COG5: variants seen among roughly 807,000 people sequenced by gnomAD.
The protein encoded by COG5 is component of oligomeric golgi complex 5.
In COG5, 86 loss-of-function variants were observed where a neutral mutation model predicts 110.4. The observed-to-expected ratio is 0.78, with a 90% CI of 0.65 to 0.93. The LOEUF is 0.93. COG5 is among the 40% of genes least tolerant of loss of function. The pLI is 0.00. For missense variants in COG5, 1,077 were observed against 987.0 expected (o/e 1.09, Z -1.22); for synonymous variants, 360 against 334.6 (o/e 1.08, Z -0.83).
chr7:107,413,959 T>A (rs1792506057), intron 6 of COG5, among the ~76,000 whole-genome samples: 1 of 152,178 alleles, frequency 6.6e-6, no homozygotes, highest in African/African-American at 2.4e-5. Context: ...TAAAACAGAA[T>A]TAAAATCCTG....
chr7:107,325,488 T>C (rs1047057123), intron 10 of COG5, among the ~76,000 whole-genome samples: 1 of 152,036 alleles, frequency 6.6e-6, no homozygotes, highest in African/African-American at 2.4e-5. Context: ...CTGTCTCTAC[T>C]AAAAATACAA....
chr7:107,398,378 G>A (rs1019006347), intron 7 of COG5, among the ~76,000 whole-genome samples: 1 of 152,212 alleles, frequency 6.6e-6, no homozygotes, highest in Non-Finnish European at 1.5e-5. Flanking sequence ...CACACAGCAG[G>A]AGGTGAGCGG....
intron 6 of COG5, among the ~76,000 whole-genome samples, chr7:107,506,211 T>C (rs1798984651): frequency 1.3e-5 from 2 of 152,200 alleles, no homozygotes; most frequent in African/African-American, 2.4e-5. Flanking sequence ...ACTGTGTTAG[T>C]TGGCCTCCAG....
intron 12 of COG5, among the ~76,000 whole-genome samples, chr7:107,288,585 T>A (rs1182933629): frequency 6.6e-6 from 1 of 152,124 alleles, no homozygotes; most frequent in Non-Finnish European, 1.5e-5. Flanking sequence ...CATGTGCTTA[T>A]TGGTCATCTA....
At chr7:107,407,720 A>C (rs1380780738) in intron 7 of COG5, among the ~76,000 whole-genome samples, 1 of 152,050 alleles carries the variant, frequency 6.6e-6, no homozygotes, top group Non-Finnish European at 1.5e-5. Context: ...AAGGAGGACA[A>C]AGTTGGGTAA....
chr7:107,435,379 G>A lies in COG5; in HGVS notation c.539-22747C>T, dbSNP rs147912880. On this transcript the variant is annotated intron_variant, in intron 6 of 21. Coordinates refer to ENST00000297135, the MANE Select transcript of COG5 (RefSeq NM_006348.5). ...TAGAAAAACTGAAATCTGGCCAGGC[G>A]CGGTGGCTCACACCTGTAATCCCAG... Among the ~76,000 whole-genome samples the A allele has an allele frequency of 1.1e-3, 165 of 152,206 alleles. 4 individuals carry two copies. The East Asian group carries it at 0.02, about 19-fold the overall frequency.
intron 10 of COG5, among the ~76,000 whole-genome samples, chr7:107,348,125 C>CA (rs34140927): frequency 0.27 from 13,669 of 50,170 alleles, 2,481 homozygotes; most frequent in Non-Finnish European, 0.32. Context: ...GACTCCATCT[C>CA]AAAAAAAAAA....
intron 7 of COG5, among the ~76,000 whole-genome samples, chr7:107,403,777 C>T (rs537338521): frequency 6.6e-6 from 1 of 152,000 alleles, no homozygotes; most frequent in South Asian, 2.1e-4. Context: ...GGCCGACCTC[C>T]AAATAACATA....
intron 9 of COG5, 29 bp downstream of exon 9, chr7:107,362,276 TTAA>T (rs1399163707): frequency 8.5e-6 from 13 of 1,532,010 alleles, no homozygotes; most frequent in Non-Finnish European, 1.2e-5. Flanking sequence ...TTAATCCATA[TTAA>T]TGTTTTTTCC....
intron 6 of COG5, among the ~76,000 whole-genome samples, chr7:107,506,257 A>AGT (rs1563071821): frequency 6.6e-6 from 1 of 152,198 alleles, no homozygotes; most frequent in African/African-American, 2.4e-5. Flanking sequence ...CACCAGCTGC[A>AGT]GTAGTTAACA....
intron 11 of COG5, among the ~76,000 whole-genome samples, chr7:107,320,129 C>T (rs952154338): frequency 1.3e-5 from 2 of 152,004 alleles, no homozygotes; most frequent in Non-Finnish European, 2.9e-5. Flanking sequence ...GGTGGCAAGA[C>T]GGCATAGACA....
At chr7:107,283,409 GTACT>G (rs1250133904) in intron 13 of COG5, among the ~76,000 whole-genome samples, 158 bp downstream of exon 13, 1 of 152,086 alleles carries the variant, frequency 6.6e-6, no homozygotes, top group South Asian at 2.1e-4. Context: ...GGAATCTCAA[GTACT>G]TACTATGTGT....
chr7:107,313,067 C>T (rs1045105571), intron 11 of COG5, among the ~76,000 whole-genome samples: 66 of 152,242 alleles, frequency 4.3e-4, no homozygotes, highest in Admixed American at 1.3e-4. Context: ...GGGGAAAGGA[C>T]GTGCCACAAA....
At chr7:107,301,562 C>G (rs934509453) in intron 11 of COG5, among the ~76,000 whole-genome samples, 1 of 152,058 alleles carries the variant, frequency 6.6e-6, no homozygotes, top group Non-Finnish European at 1.5e-5. Flanking sequence ...GTTCAAATGA[C>G]TAAAATTAAA....
chr7:107,235,137 G>C (rs1277865507), intron 18 of COG5, among the ~76,000 whole-genome samples: 6 of 152,168 alleles, frequency 3.9e-5, no homozygotes. Flanking sequence ...ACAGGCTCTT[G>C]AAAGTTTAGG....
At chr7:107,464,964 C>T (rs1297223708) in intron 6 of COG5, among the ~76,000 whole-genome samples, 1 of 152,170 alleles carries the variant, frequency 6.6e-6, no homozygotes, top group Non-Finnish European at 1.5e-5. Context: ...CTCAAGGTTG[C>T]TAGCTACAAC....
At position 107,474,036 on chromosome 7, in the gene COG5, G is replaced by GA. The variant is rs755887490; in HGVS notation, c.538+53200dup. The GA allele has an allele frequency of 1.6e-5, 21 of 1,324,026 alleles. No homozygotes were observed. The highest frequency in any genetic ancestry group is 2.3e-5 in the East Asian group (1 of 42,986). 82.0% of individuals were successfully genotyped at this position (1,324,026 alleles called of 1,614,324 possible). On this transcript the variant is annotated intron_variant, in intron 6 of 21. Transcript: ENST00000297135. The surrounding 1 kb of genome is among the most constrained non-coding windows in gnomAD (Gnocchi z 5.7). The stretch of plus-strand genomic sequence containing the variant: ...AGTTTATTCTATTTCACTTTCTAGG[G>GA]AAAAAAACCAACTGCTCCAAAAGAA...
At chr7:107,241,773 AAT>A (rs1256211767) in intron 17 of COG5, among the ~76,000 whole-genome samples, 1 of 151,756 alleles carries the variant, frequency 6.6e-6, no homozygotes, top group Non-Finnish European at 1.5e-5. Flanking sequence ...TATTTTTTAA[AAT>A]AGAGACTGAT....
At chr7:107,260,321 T>C (rs990837296) in intron 14 of COG5, among the ~76,000 whole-genome samples, 1 of 151,936 alleles carries the variant, frequency 6.6e-6, no homozygotes, top group Non-Finnish European at 1.5e-5. Context: ...AAACCAACCA[T>C]AAAAGCCACA....
Sources: gnomAD v4.1 joint callset for allele counts (sites outside exome capture counted in the v4.1 genomes callset) on GRCh38, gnomAD v4.1.1 for gene constraint, Gnocchi (gnomAD v3.1) non-coding constraint, MANE v1.5 for transcripts, NCBI Gene and HGNC (gene_info 2026-07-23, HGNC 2026-07-21) for gene names.